CEP55: variants seen among roughly 807,000 people sequenced by gnomAD.
The protein encoded by CEP55 is centrosomal protein 55.
A neutral mutation model predicts 63.2 loss-of-function variants in CEP55; 57 were observed. The ratio of observed to expected loss-of-function variants is 0.90; its 90% CI spans 0.73 to 1.13. The LOEUF is 1.13. CEP55 is among the 50% of genes most tolerant of loss of function. The pLI is 0.00. For synonymous variants in CEP55, 178 were observed against 191.6 expected (o/e 0.93, Z 0.59); for missense variants, 456 against 518.9 (o/e 0.88, Z 1.18).
intron 8 of CEP55, among the ~76,000 whole-genome samples, chr10:93,526,630 C>T (rs2057925364): frequency 6.6e-6 from 1 of 152,204 alleles, no homozygotes; most frequent in Non-Finnish European, 1.5e-5. Flanking sequence ...AAGACACATG[C>T]ACACGTATGT....
rs1346163075 is a variant in CEP55, at chr10:93,518,867, TG to T, written c.994-9del. On this transcript the variant is annotated splice_polypyrimidine_tract_variant and intron_variant, in intron 6 of 8. Transcript: ENST00000371485. ...GATGTGACAGCATTGGTTCTCTTTA[TG>T]TCCTACAGGTCCAGTTTCTTTACAC... 3 of 1,587,906 alleles carry T rather than the reference TG, an allele frequency of 1.9e-6. No individual in the cohort carries two copies. In the African/African-American group the frequency reaches 4.0e-5, roughly 21 times the overall value.
At chr10:93,508,255 T>C (rs2057708751) in intron 4 of CEP55, among the ~76,000 whole-genome samples, 1 of 152,180 alleles carries the variant, frequency 6.6e-6, no homozygotes, top group African/African-American at 2.4e-5. Flanking sequence ...TTTAGAGATA[T>C]GAAGTATAAA....
intron 8 of CEP55, among the ~76,000 whole-genome samples, chr10:93,520,442 A>AAG (rs2057849094): frequency 1.4e-5 from 2 of 147,320 alleles, no homozygotes; most frequent in South Asian, 4.4e-4. Flanking sequence ...AAAAAAAAAA[A>AAG]GAAAAAGAAA....
At chr10:93,507,634 TG>T (rs1159927277) in intron 4 of CEP55, among the ~76,000 whole-genome samples, 1 of 152,104 alleles carries the variant, frequency 6.6e-6, no homozygotes, top group African/African-American at 2.4e-5. Context: ...ATCATTTTAT[TG>T]TTTCTTGTTT....
At chr10:93,519,957 C>A in intron 8 of CEP55, 150 bp downstream of exon 8, 1 of 767,344 alleles carries the variant, frequency 1.3e-6, no homozygotes, top group East Asian at 2.6e-5. Context: ...AGCAACTGCC[C>A]TTTGAGCATC....
chr10:93,511,820 T>A (rs962929569), intron 4 of CEP55, among the ~76,000 whole-genome samples: 1 of 151,756 alleles, frequency 6.6e-6, no homozygotes, highest in African/African-American at 2.4e-5. Context: ...GCCAGGCTGG[T>A]CTCGAACTCC....
chr10:93,507,082 G>A (rs538324940), intron 4 of CEP55, 26 bp downstream of exon 4: 2 of 1,247,528 alleles, frequency 1.6e-6, no homozygotes, highest in East Asian at 2.3e-5. Flanking sequence ...TTTAAGTTAT[G>A]GGTAAAGAGG....
intron 1 of CEP55, among the ~76,000 whole-genome samples, chr10:93,497,501 G>A (rs1353017348): frequency 3.9e-5 from 6 of 151,942 alleles, no homozygotes; most frequent in African/African-American, 1.4e-4. Flanking sequence ...CCTGACCTCA[G>A]ATGATCCACC....
At chr10:93,514,919 C>T (rs542711799) in intron 4 of CEP55, among the ~76,000 whole-genome samples, 36 of 152,236 alleles carry the variant, frequency 2.4e-4, no homozygotes, top group Non-Finnish European at 3.4e-4. Context: ...ATTACAGGCA[C>T]GCGCCACCAT....
chr10:93,502,989 C>G lies in CEP55; in HGVS notation c.184-124C>G, dbSNP rs535711701. The stretch of plus-strand genomic sequence containing the variant: ...ACTTTGGCTTCCTAATCTTTTTTGG[C>G]CTTGGTATTTAGCGTAATGCTGACT... On this transcript the variant is annotated intron_variant, in intron 2 of 8. Coordinates refer to ENST00000371485, the MANE Select transcript of CEP55 (RefSeq NM_018131.5). 6 of 899,328 alleles carry G rather than the reference C, an allele frequency of 6.7e-6. No homozygotes were observed. The Admixed American group carries it at 1.4e-4, about 21-fold the overall frequency. The allele number at this position is 899,328 out of a possible 1,614,324, so 55.7% of individuals were successfully genotyped here.
In CEP55 at chr10:93,528,112, C is replaced by T. The variant is rs751792256; in HGVS notation, c.1354C>T (p.His452Tyr). The T allele has an allele frequency of 1.2e-6, 2 of 1,614,036 alleles. No individual in the cohort carries two copies. Among genetic ancestry groups the T allele is most frequent in the Non-Finnish European group, 1.7e-6 (2 of 1,179,968 alleles). ...CAATATACAGTATCCAGCCACTGAGCATCGCGATCTGCTTGTCCATGTGGA... is the reference window on the plus strand; with the variant it reads ...CAATATACAGTATCCAGCCACTGAGTATCGCGATCTGCTTGTCCATGTGGA... ...KCNIQYPATE[H>Y]RDLLVHVEYC... The change falls in exon 9 of 9, where the codon CAT (histidine) becomes TAT (tyrosine). Residue 452 changes from histidine (H) to tyrosine (Y), a missense_variant. Transcript: ENST00000371485.
intron 8 of CEP55, chr10:93,520,129 A>G (rs2057843751): frequency 3.1e-6 from 1 of 326,574 alleles, no homozygotes; most frequent in Non-Finnish European, 5.8e-6. Flanking sequence ...GTGTTTATCT[A>G]TTAAAAAAGA....
intron 4 of CEP55, among the ~76,000 whole-genome samples, chr10:93,509,502 T>TTATTATTATTA (rs1264083690): frequency 2.2e-5 from 3 of 137,990 alleles, no homozygotes; most frequent in Non-Finnish European, 4.9e-5. Flanking sequence ...TATTATTATT[T>TTATTATTATTA]TGAGATGGAG....
At chr10:93,497,025 G>T (rs2057576307) in intron 1 of CEP55, 102 bp downstream of exon 1, 1 of 152,192 alleles carries the variant, frequency 6.6e-6, no homozygotes, top group Non-Finnish European at 1.5e-5. Context: ...CTTTCGTTGT[G>T]TGTTCCTCAA....
In CEP55 at chr10:93,506,990, T is replaced by G. The variant is rs776662051; in HGVS notation, c.462T>G (p.Thr154=). The change falls in exon 4 of 9, where the codon ACT becomes ACG. Residue 154 remains threonine, a splice_region_variant and synonymous_variant. Transcript: ENST00000371485. The part of the protein sequence containing the change: ...SKTNTLRLSQ[T]VAPNCFNSSI... ...AACTAATGTTGGATTATTTACAGAC[T>G]GTGGCTCCAAACTGCTTCAACTCAT... 25 of 1,575,482 alleles carry G rather than the reference T, an allele frequency of 1.6e-5. No individual in the cohort carries two copies. The highest frequency in any genetic ancestry group is 2.1e-5 in the Non-Finnish European group (24 of 1,144,906).
At position 93,503,331 on chromosome 10, in the gene CEP55, T is replaced by G. The variant is rs889288140; in HGVS notation, c.402T>G (p.Ala134=). ...ACGTATTGAAACAACAGTTGTCTGCTGCAACCTCACGAATTGCTGAACTTG... is the reference window on the plus strand; with the variant it reads ...ACGTATTGAAACAACAGTTGTCTGCGGCAACCTCACGAATTGCTGAACTTG... ...EKDVLKQQLS[A]ATSRIAELES... is the part of the protein sequence containing the mutation. Residue 134 remains alanine, a synonymous_variant, in exon 3 of 9, where the codon GCT becomes GCG. Transcript: ENST00000371485. 9 of 1,614,194 alleles carry G rather than the reference T, an allele frequency of 5.6e-6. No individual in the cohort carries two copies. The highest frequency in any genetic ancestry group is 7.6e-6 in the Non-Finnish European group (9 of 1,180,012).
chr10:93,497,120 G>A (rs528959204), intron 1 of CEP55, among the ~76,000 whole-genome samples, 197 bp downstream of exon 1: 1 of 152,318 alleles, frequency 6.6e-6, no homozygotes, highest in East Asian at 1.9e-4. Flanking sequence ...GAGATTTTAT[G>A]TGGGAATTTT....
chr10:93,500,687 G>A (rs1258176275), intron 2 of CEP55, among the ~76,000 whole-genome samples: 2 of 151,728 alleles, frequency 1.3e-5, no homozygotes, highest in Non-Finnish European at 1.5e-5. Context: ...ATTTAAGATT[G>A]TGAAACATTC....
chr10:93,511,904 T>C (rs1224510119), intron 4 of CEP55, among the ~76,000 whole-genome samples: 1 of 151,470 alleles, frequency 6.6e-6, no homozygotes, highest in African/African-American at 2.4e-5. Context: ...ACCCAGCTGG[T>C]TCCTTTAAAA....
Sources: allele counts gnomAD v4.1 joint callset (sites outside exome capture counted in the v4.1 genomes callset), GRCh38; gene constraint gnomAD v4.1.1; transcripts MANE v1.5; gene names NCBI Gene and HGNC (gene_info 2026-07-23, HGNC 2026-07-21).